Variants in ELOVL4 observed in about 807,000 individuals in gnomAD.
The protein encoded by ELOVL4 is very long chain fatty acid elongase 4.
A neutral mutation model predicts 42.1 loss-of-function variants in ELOVL4; 18 were observed. The ratio of observed to expected loss-of-function variants is 0.43; its 90% CI spans 0.30 to 0.63. The LOEUF is 0.63. Ranked by LOEUF, ELOVL4 falls within the 30% of genes least tolerant of loss-of-function variation. The probability of loss-of-function intolerance (pLI) is 0.15; values close to 1 mark genes in which losing one functional copy is unlikely to be tolerated. For synonymous variants in ELOVL4, 117 were observed against 127.0 expected (o/e 0.92, Z 0.53); for missense variants, 299 against 376.2 (o/e 0.79, Z 1.70).
In ELOVL4 at chr6:79,916,780, AAG is replaced by A; in HGVS notation, c.771_772del (p.Phe258HisfsTer6). 3.1e-6 allele frequency: 5 copies of A among 1,614,230 alleles called. No individual in the cohort carries two copies. Among genetic ancestry groups the A allele is most frequent in the Non-Finnish European group, 3.4e-6 (4 of 1,180,042 alleles). ...GTAGAAGTTAAGAAAGAGAAATATGAAGCTGATTGCATAGGCAATTAGAGCCC... is the reference window on the plus strand; with the variant it reads ...GTAGAAGTTAAGAAAGAGAAATATGACTGATTGCATAGGCAATTAGAGCCC... On this transcript the variant is annotated frameshift_variant, in exon 6 of 6. Transcript: ENST00000369816. LOFTEE classifies it high-confidence loss of function.
chr6:79,945,346 C>G (rs1414610967), intron 1 of ELOVL4, among the ~76,000 whole-genome samples: 1 of 152,164 alleles, frequency 6.6e-6, no homozygotes, highest in East Asian at 1.9e-4. Context: ...ATTTTATATG[C>G]CCTTCGAAGC....
chr6:79,925,184 T>C, intron 2 of ELOVL4, 152 bp from the exon 3 acceptor site: 1 of 611,254 alleles, frequency 1.6e-6, no homozygotes, highest in South Asian at 2.0e-5. Flanking sequence ...GCATTCCGAT[T>C]GCTAGAAGTT....
In ELOVL4 at chr6:79,947,146, G is replaced by A. The variant is rs776928809; in HGVS notation, c.100+34C>T. ...CAGGGGCCGGTGACCCCCCGCGGGG[G>A]ACCGAGCGAGGATGGGGAAGTCAGC... is the stretch of plus-strand genomic sequence containing the variant. On this transcript the variant is annotated intron_variant, in intron 1 of 5. Transcript: ENST00000369816. 7.0e-6 allele frequency: 11 copies of A among 1,566,926 alleles called. 1 individual carries two copies. Among genetic ancestry groups the A allele is most frequent in the Middle Eastern group, 3.4e-4 (2 of 5,904 alleles).
At chr6:79,921,871 C>A in intron 3 of ELOVL4, 75 bp from the exon 4 acceptor site, 1 of 1,405,248 alleles carries the variant, frequency 7.1e-7, no homozygotes, top group Non-Finnish European at 1.0e-6. Flanking sequence ...GTAAGTAAGT[C>A]CAAAATAAAC....
chr6:79,931,148 T>C (rs2127700357), intron 1 of ELOVL4, among the ~76,000 whole-genome samples: 1 of 152,292 alleles, frequency 6.6e-6, no homozygotes, highest in African/African-American at 2.4e-5. Context: ...TATCAAATTA[T>C]CAAATTTGTT....
intron 3 of ELOVL4, among the ~76,000 whole-genome samples, chr6:79,923,413 T>G (rs1400961340): frequency 1.3e-5 from 2 of 152,190 alleles, no homozygotes; most frequent in African/African-American, 4.8e-5. Context: ...TTTTTAAACC[T>G]TTATCCTAAA....
At chr6:79,917,288 A>G (rs1438411532) in intron 5 of ELOVL4, among the ~76,000 whole-genome samples, 1 of 152,170 alleles carries the variant, frequency 6.6e-6, no homozygotes, top group East Asian at 1.9e-4. Context: ...GGATCAATGA[A>G]TATGTGTTGA....
At chr6:79,934,895 A>G (rs1774517375) in intron 1 of ELOVL4, among the ~76,000 whole-genome samples, 1 of 152,210 alleles carries the variant, frequency 6.6e-6, no homozygotes, top group Non-Finnish European at 1.5e-5. Flanking sequence ...ACCAAATTAA[A>G]TAAAAATTAC....
rs185625060 is a variant in ELOVL4, at chr6:79,915,581, A to C, written c.*1027T>G. 54 of 152,578 alleles carry C rather than the reference A, an allele frequency of 3.5e-4. 1 individual carries two copies. The highest frequency in any genetic ancestry group is 3.1e-3 in the Admixed American group (47 of 15,296). The allele number at this position is 152,578 out of a possible 1,614,324, so 9.5% of individuals were successfully genotyped here. A position where few individuals can be genotyped will look rare whatever the true frequency, so the allele number is the denominator to read the frequency against. ...TATGCTATTTGTCATAAAAGCAAAA[A>C]AAATACTAGTGGATTTGAAAGTTAA... On this transcript the variant is annotated 3_prime_UTR_variant, in exon 6 of 6. Transcript: ENST00000369816.
intron 1 of ELOVL4, among the ~76,000 whole-genome samples, chr6:79,929,380 A>G (rs1378377263): frequency 6.6e-6 from 1 of 152,164 alleles, no homozygotes; most frequent in Non-Finnish European, 1.5e-5. Context: ...AGCTGGTCCT[A>G]CAGGCACACG....
intron 4 of ELOVL4, among the ~76,000 whole-genome samples, chr6:79,920,088 T>A (rs577375261): frequency 9.1e-4 from 138 of 152,328 alleles, no homozygotes; most frequent in Non-Finnish European, 1.6e-3. Context: ...GATGTAATAA[T>A]AATTAATTTT....
intron 1 of ELOVL4, among the ~76,000 whole-genome samples, chr6:79,929,766 T>A (rs1774413065): frequency 6.6e-6 from 1 of 152,164 alleles, no homozygotes; most frequent in Non-Finnish European, 1.5e-5. Flanking sequence ...AGGGGACGCA[T>A]TTTGCATGAC....
intron 1 of ELOVL4, among the ~76,000 whole-genome samples, chr6:79,932,263 G>A (rs769471611): frequency 5.4e-4 from 82 of 152,256 alleles, no homozygotes; most frequent in Admixed American, 2.7e-3. Flanking sequence ...TGAGGGGGCC[G>A]GGTGCAGTGG....
chr6:79,917,394 T>G (rs73750823), intron 5 of ELOVL4, among the ~76,000 whole-genome samples: 3 of 152,148 alleles, frequency 2.0e-5, no homozygotes, highest in African/African-American at 7.2e-5. Context: ...CATTTTACAT[T>G]GGTTTCTTTC....
chr6:79,942,296 A>T (rs1361232957), intron 1 of ELOVL4, among the ~76,000 whole-genome samples: 1 of 152,184 alleles, frequency 6.6e-6, no homozygotes, highest in African/African-American at 2.4e-5. Flanking sequence ...TGAAATCCAA[A>T]CCCACATGAT....
intron 5 of ELOVL4, among the ~76,000 whole-genome samples, chr6:79,918,007 C>T (rs899667983): frequency 6.6e-6 from 1 of 152,022 alleles, no homozygotes; most frequent in Non-Finnish European, 1.5e-5. Context: ...CAAGGGTTAA[C>T]TTTTTATACA....
intron 1 of ELOVL4, among the ~76,000 whole-genome samples, chr6:79,932,916 G>C (rs1413898192): frequency 2.0e-5 from 3 of 152,150 alleles, no homozygotes; most frequent in Non-Finnish European, 2.9e-5. Flanking sequence ...AGAGGAATTT[G>C]ACAAGCAGAC....
intron 5 of ELOVL4, among the ~76,000 whole-genome samples, chr6:79,918,015 A>G (rs945630803): frequency 6.6e-6 from 1 of 152,174 alleles, no homozygotes; most frequent in East Asian, 1.9e-4. Context: ...AACTTTTTAT[A>G]CAATTAACTT....
chr6:79,923,340 C>A (rs1774289052), intron 3 of ELOVL4, among the ~76,000 whole-genome samples: 2 of 152,144 alleles, frequency 1.3e-5, no homozygotes, highest in African/African-American at 4.8e-5. Context: ...TCCTAGATTA[C>A]AGTTCTCATA....
Sources: gnomAD v4.1 joint callset for allele counts (sites outside exome capture counted in the v4.1 genomes callset) on GRCh38, gnomAD v4.1.1 for gene constraint, MANE v1.5 for transcripts, NCBI Gene and HGNC (gene_info 2026-07-23, HGNC 2026-07-21) for gene names.